The following NDUFS6 variants were observed in gnomAD, a reference collection of about 807,000 sequenced individuals.
NDUFS6 encodes NADH dehydrogenase [ubiquinone] iron-sulfur protein 6, mitochondrial.
A neutral mutation model predicts 13.2 loss-of-function variants in NDUFS6; 14 were observed. That is an observed-to-expected ratio of 1.06 (90% CI 0.70 to 1.66). NDUFS6 has a LOEUF of 1.66. NDUFS6 is among the 40% of genes most tolerant of loss of function. The probability of loss-of-function intolerance (pLI) is 0.00; values close to 1 mark genes in which losing one functional copy is unlikely to be tolerated. For synonymous variants in NDUFS6, 95 were observed against 72.3 expected, an observed-to-expected ratio of 1.31 and a Z score of -1.60; for missense variants, 206 against 170.8, an observed-to-expected ratio of 1.21 and a Z score of -1.15.
chr5:1,808,198 T>C (rs1734157527), intron 2 of NDUFS6, among the ~76,000 whole-genome samples: 1 of 152,188 alleles, frequency 6.6e-6, no homozygotes, highest in Non-Finnish European at 1.5e-5. Flanking sequence ...TGAGTCTCTC[T>C]TGTCTTGAAG....
chr5:1,809,114 C>T (rs3756346), intron 2 of NDUFS6, among the ~76,000 whole-genome samples: 112,066 of 152,108 alleles, frequency 0.74, 44,413 homozygotes, highest in Non-Finnish European at 0.88. Context: ...ACCTACATAT[C>T]TTTATGCCCA....
At position 1,814,460 on chromosome 5, in the gene NDUFS6, TGGTGCGTAGCTGGCCACCTGTG is replaced by T; in HGVS notation, c.309_309+21del. 6.2e-7 allele frequency: 1 copy of T among 1,614,190 alleles called. No individual in the cohort carries two copies. The highest frequency in any genetic ancestry group is 1.1e-5 in the South Asian group (1 of 91,090). On this transcript the variant is annotated splice_donor_variant and splice_donor_5th_base_variant and coding_sequence_variant and intron_variant, in exon 3 of 4. Transcript: ENST00000274137. LOFTEE classifies it high-confidence loss of function. This position sits in a 1 kb window ranked among gnomAD's most constrained non-coding sequence, Gnocchi z 4.9. ...GGCCACCCAAAAGTGTATATAAACTTGGTGCGTAGCTGGCCACCTGTGCACATGTTAGGGCAGCCTGCTCGTC... is the reference window on the plus strand; with the variant it reads ...GGCCACCCAAAAGTGTATATAAACTTCACATGTTAGGGCAGCCTGCTCGTC...
chr5:1,807,019 T>C (rs1413321420), intron 2 of NDUFS6, among the ~76,000 whole-genome samples: 2 of 152,110 alleles, frequency 1.3e-5, no homozygotes, highest in Non-Finnish European at 2.9e-5. Context: ...CTGGAGGACG[T>C]TGCGCTCAGT....
intron 2 of NDUFS6, among the ~76,000 whole-genome samples, chr5:1,811,111 C>T (rs1039355181): frequency 6.6e-5 from 10 of 152,176 alleles, no homozygotes; most frequent in African/African-American, 2.4e-4. Flanking sequence ...CATTTTCTTC[C>T]TCTAGCTTAC....
At chr5:1,811,660 C>T (rs1734220992) in intron 2 of NDUFS6, among the ~76,000 whole-genome samples, 1 of 152,194 alleles carries the variant, frequency 6.6e-6, no homozygotes, top group Non-Finnish European at 1.5e-5. Context: ...CAGCTGGATT[C>T]TACTGACCGC....
At chr5:1,802,297 C>T (rs1480065661) in intron 1 of NDUFS6, 24 bp from the exon 2 acceptor site, 3 of 1,607,480 alleles carry the variant, frequency 1.9e-6, no homozygotes, top group Non-Finnish European at 2.6e-6. Context: ...AAAAGTCACA[C>T]ATGGTCTTTT....
intron 3 of NDUFS6, among the ~76,000 whole-genome samples, chr5:1,815,340 T>C (rs1249425674): frequency 1.3e-5 from 2 of 152,094 alleles, no homozygotes; most frequent in Non-Finnish European, 2.9e-5. Context: ...CTGGGCTTGG[T>C]GTTCTCCCCA....
chr5:1,802,544 C>T (rs1037535571), intron 2 of NDUFS6, among the ~76,000 whole-genome samples, 170 bp downstream of exon 2: 1 of 152,166 alleles, frequency 6.6e-6, no homozygotes, highest in Non-Finnish European at 1.5e-5. Context: ...GTGTCTATTT[C>T]TGACTTGTTT....
intron 2 of NDUFS6, 109 bp downstream of exon 2, chr5:1,802,483 A>C (rs1404619125): frequency 2.3e-6 from 2 of 871,250 alleles, no homozygotes; most frequent in African/African-American, 3.4e-5. Flanking sequence ...CCCATATTGC[A>C]AGCACCCTAA....
At chr5:1,812,204 C>G (rs189558694) in intron 2 of NDUFS6, among the ~76,000 whole-genome samples, 1 of 152,124 alleles carries the variant, frequency 6.6e-6, no homozygotes, top group Non-Finnish European at 1.5e-5. Context: ...GGACTGAACT[C>G]CTTCTTCTAC....
intron 2 of NDUFS6, among the ~76,000 whole-genome samples, chr5:1,812,270 C>T (rs1264785849): frequency 3.9e-5 from 6 of 152,048 alleles, no homozygotes; most frequent in African/African-American, 1.4e-4. Context: ...AGGCAGAACC[C>T]TCATGACCTC....
Position 1,814,442 on chromosome 5 carries a change from C to T in NDUFS6, c.290C>T (p.Pro97Leu), listed in dbSNP as rs1734271321. The T allele has an allele frequency of 3.1e-6, 5 of 1,614,132 alleles. No individual in the cohort carries two copies. The East Asian group carries it at 8.9e-5, about 29-fold the overall frequency. ...GGCGGCGGGGGAGCTCTTGGCCACC[C>T]AAAAGTGTATATAAACTTGGTGCGT... is the stretch of plus-strand genomic sequence containing the variant. ...CDGGGGALGH[P>L]KVYINLDKET... The change falls in exon 3 of 4, where the codon CCA becomes CTA. Residue 97 changes from proline (P) to leucine (L), a missense_variant. Physicochemically the swap from Pro to Leu is moderately conservative, Grantham distance 98. Coordinates refer to ENST00000274137, the MANE Select transcript of NDUFS6 (RefSeq NM_004553.6). This position sits in a 1 kb window ranked among gnomAD's most constrained non-coding sequence, Gnocchi z 4.9.
At chr5:1,805,889 G>A (rs1005085301) in intron 2 of NDUFS6, among the ~76,000 whole-genome samples, 6 of 152,142 alleles carry the variant, frequency 3.9e-5, no homozygotes, top group African/African-American at 1.4e-4. Flanking sequence ...CCGGATTCAG[G>A]CTCCTGCGCT....
intron 2 of NDUFS6, among the ~76,000 whole-genome samples, chr5:1,810,388 C>T (rs1734200030): frequency 6.6e-6 from 1 of 152,130 alleles, no homozygotes; most frequent in Non-Finnish European, 1.5e-5. Flanking sequence ...GATGCCGGCG[C>T]TCTACTTCCC....
Position 1,801,520 on chromosome 5 carries a change from A to T in NDUFS6, c.103A>T (p.Thr35Ser), listed in dbSNP as rs1734040579. The T allele has an allele frequency of 6.3e-7, 1 of 1,595,862 alleles. No individual in the cohort carries two copies. Among genetic ancestry groups the T allele is most frequent in the Non-Finnish European group, 8.5e-7 (1 of 1,177,268 alleles). ...ARCFGVRVSP[T>S]GEKVTHTGQV... ...GTGTTTCGGGGTGCGGGTCTCGCCG[A>T]CCGGGGAGAAGGTCACGCACACTGG... Residue 35 changes from threonine (T) to serine (S), a missense_variant, in exon 1 of 4, where the codon ACC becomes TCC. By Grantham distance (58) the Thr-to-Ser change is moderately conservative (BLOSUM62 1). Coordinates refer to ENST00000274137, the MANE Select transcript of NDUFS6 (RefSeq NM_004553.6).
intron 2 of NDUFS6, among the ~76,000 whole-genome samples, chr5:1,807,425 T>A (rs540529783): frequency 1.3e-5 from 2 of 152,224 alleles, no homozygotes; most frequent in South Asian, 4.1e-4. Context: ...ATGGCAAGTT[T>A]TATGTTATGT....
chr5:1,801,909 G>T (rs760431126), intron 1 of NDUFS6, among the ~76,000 whole-genome samples: 129 of 152,320 alleles, frequency 8.5e-4, no homozygotes, highest in Non-Finnish European at 1.4e-3. Flanking sequence ...CTGAGAAGTC[G>T]GTTGTAGTCC....
At chr5:1,802,847 T>C (rs1734070577) in intron 2 of NDUFS6, among the ~76,000 whole-genome samples, 1 of 152,230 alleles carries the variant, frequency 6.6e-6, no homozygotes, top group African/African-American at 2.4e-5. Context: ...GGAAGATCAG[T>C]TCAGGTGCCT....
intron 2 of NDUFS6, among the ~76,000 whole-genome samples, chr5:1,804,461 C>T (rs1360807079): frequency 1.3e-5 from 2 of 152,246 alleles, no homozygotes; most frequent in East Asian, 1.9e-4. Context: ...TCACCCAGGG[C>T]GTCCTGGTTG....
Sources: allele counts gnomAD v4.1 joint callset (sites outside exome capture counted in the v4.1 genomes callset), GRCh38; gene constraint gnomAD v4.1.1; non-coding constraint Gnocchi (gnomAD v3.1); transcripts MANE v1.5; gene names NCBI Gene and HGNC (gene_info 2026-07-23, HGNC 2026-07-21).